Variants in PCDH9 observed in about 807,000 individuals in gnomAD.
PCDH9 encodes protocadherin 9, also known as protocadherin-9.
In PCDH9, 24 loss-of-function variants were observed where a neutral mutation model predicts 70.6. That is an observed-to-expected ratio of 0.34 (90% CI 0.25 to 0.48). PCDH9 has a LOEUF of 0.48. PCDH9 is among the 20% of genes least tolerant of loss of function. The pLI, the probability that PCDH9 is intolerant of heterozygous loss-of-function variation, is 0.99. For synonymous variants in PCDH9, 562 were observed against 558.5 expected, an observed-to-expected ratio of 1.01 and a Z score of -0.09; for missense variants, 1,281 against 1,503.6, an observed-to-expected ratio of 0.85 and a Z score of 2.45.
At chr13:66,440,988 A>C (rs1000936183) in intron 4 of PCDH9, among the ~76,000 whole-genome samples, 1 of 152,144 alleles carries the variant, frequency 6.6e-6, no homozygotes, top group Non-Finnish European at 1.5e-5. Flanking sequence ...CTTTAAAGTG[A>C]CTCAACTTCA....
intron 4 of PCDH9, among the ~76,000 whole-genome samples, chr13:66,628,178 G>A (rs1421786157): frequency 6.6e-6 from 1 of 152,130 alleles, no homozygotes; most frequent in African/African-American, 2.4e-5. Context: ...ATTTGGTCTA[G>A]ATGAACTTAC....
chr13:66,967,206 T>C (rs1426992626), intron 2 of PCDH9, among the ~76,000 whole-genome samples: 3 of 152,004 alleles, frequency 2.0e-5, no homozygotes, highest in Non-Finnish European at 2.9e-5. Context: ...ATCCTCATAA[T>C]GGTGAGGAGA....
At chr13:67,084,984 AAAAAAAAAAAAAAATATAT>A (rs1298344176) in intron 2 of PCDH9, among the ~76,000 whole-genome samples, 2 of 79,184 alleles carry the variant, frequency 2.5e-5, no homozygotes, top group African/African-American at 9.8e-5. Context: ...AAAAAAAAAA[AAAAAAAAAAAAAAATATAT>A]ATATATATAT....
chr13:67,214,933 C>A, intron 2 of PCDH9: 2 of 26,130 alleles, frequency 7.7e-5, no homozygotes, highest in African/African-American at 1.2e-4. Context: ...TATTGCGAGC[C>A]AGATATATAT....
intron 2 of PCDH9, among the ~76,000 whole-genome samples, chr13:67,165,700 A>T (rs2088094376): frequency 6.6e-6 from 1 of 152,202 alleles, no homozygotes; most frequent in South Asian, 2.1e-4. Context: ...TTTGGAACCT[A>T]AGTCAATTTT....
chr13:66,825,625 G>A (rs912598535), intron 3 of PCDH9, among the ~76,000 whole-genome samples: 10 of 151,958 alleles, frequency 6.6e-5, no homozygotes, highest in South Asian at 2.1e-4. Flanking sequence ...GTGAGCCACC[G>A]CGCCCGGCCA....
chr13:67,228,060 T>C lies in PCDH9; in HGVS notation c.381A>G (p.Lys127=). 6.2e-7 allele frequency: 1 copy of C among 1,613,880 alleles called. No homozygotes were observed. The highest frequency in any genetic ancestry group is 2.2e-5 in the East Asian group (1 of 44,872). ...TGGTATCCTTGACAATTATTTTTAT[T>C]TTGATCAGCCTGAAGAAATCATTGG... ...ILPNDFFRLI[K]IKIIVKDTND... is the part of the protein sequence containing the mutation. The change falls in exon 2 of 5, where the codon AAA becomes AAG. Residue 127 remains lysine, a synonymous_variant. Coordinates refer to ENST00000377865, the MANE Select transcript of PCDH9 (RefSeq NM_203487.3).
chr13:67,120,881 T>A (rs1594539230), intron 2 of PCDH9, among the ~76,000 whole-genome samples: 1 of 151,502 alleles, frequency 6.6e-6, no homozygotes, highest in African/African-American at 2.4e-5. Context: ...TTTTTAAACA[T>A]CGGAAAAATA....
At chr13:66,906,481 TC>T (rs1478485515) in intron 2 of PCDH9, among the ~76,000 whole-genome samples, 1 of 152,218 alleles carries the variant, frequency 6.6e-6, no homozygotes, top group African/African-American at 2.4e-5. Context: ...TCATTCTTTT[TC>T]TTCCAACTTT....
chr13:66,579,981 AT>A, intron 4 of PCDH9, among the ~76,000 whole-genome samples: 1 of 152,182 alleles, frequency 6.6e-6, no homozygotes, highest in East Asian at 1.9e-4. Context: ...CCATAAAAAG[AT>A]TTTTGAAGAT....
chr13:67,114,716 C>G (rs1327326033), intron 2 of PCDH9, among the ~76,000 whole-genome samples: 2 of 152,136 alleles, frequency 1.3e-5, no homozygotes, highest in African/African-American at 4.8e-5. Context: ...TCCATGCATT[C>G]TAACTTTGTA....
intron 2 of PCDH9, among the ~76,000 whole-genome samples, chr13:66,905,222 T>C (rs1319032619): frequency 6.6e-6 from 1 of 152,144 alleles, no homozygotes; most frequent in Non-Finnish European, 1.5e-5. Context: ...ACAGTTATTT[T>C]CATCTGTGAT....
At chr13:66,878,736 T>C (rs376883170) in intron 3 of PCDH9, among the ~76,000 whole-genome samples, 1 of 152,074 alleles carries the variant, frequency 6.6e-6, no homozygotes, top group Non-Finnish European at 1.5e-5. Context: ...GAGAACTCTA[T>C]TTATAAACAA....
chr13:66,661,418 C>G (rs2078006707), intron 3 of PCDH9, among the ~76,000 whole-genome samples: 1 of 152,204 alleles, frequency 6.6e-6, no homozygotes, highest in Non-Finnish European at 1.5e-5. Context: ...AATGAGAACT[C>G]TGACTGGCGT....
At chr13:66,936,339 G>A (rs2082915825) in intron 2 of PCDH9, among the ~76,000 whole-genome samples, 1 of 152,076 alleles carries the variant, frequency 6.6e-6, no homozygotes, top group South Asian at 2.1e-4. Context: ...CTGAGATTCA[G>A]ATTTTTTGTT....
Position 66,397,892 on chromosome 13 carries a change from T to A in PCDH9, c.3341-92864A>T, listed in dbSNP as rs138775289. Among the ~76,000 whole-genome samples, 139 of 152,108 alleles carry A rather than the reference T, an allele frequency of 9.1e-4. 2 individuals are homozygous for A. The East Asian group carries it at 9.6e-3, about 11-fold the overall frequency. On this transcript the variant is annotated intron_variant, in intron 4 of 4. Transcript: ENST00000377865. ...CTGTTATTGCCCATAACAACCTTTATAATTATTGTTGTCTTTGTGAAGTAA... is the reference window on the plus strand; with the variant it reads ...CTGTTATTGCCCATAACAACCTTTAAAATTATTGTTGTCTTTGTGAAGTAA...
intron 4 of PCDH9, among the ~76,000 whole-genome samples, chr13:66,399,727 C>A (rs74920427): frequency 6.7e-6 from 1 of 150,094 alleles, no homozygotes; most frequent in Non-Finnish European, 1.5e-5. Flanking sequence ...AAATAAAGAA[C>A]CAAAAAAAAA....
chr13:66,529,446 GAA>G (rs1208890402), intron 4 of PCDH9, among the ~76,000 whole-genome samples: 1 of 152,040 alleles, frequency 6.6e-6, no homozygotes, highest in African/African-American at 2.4e-5. Flanking sequence ...CTATTTGTAT[GAA>G]GTCTTTGAAC....
chr13:67,098,616 A>T (rs1224406529), intron 2 of PCDH9, among the ~76,000 whole-genome samples: 3 of 152,154 alleles, frequency 2.0e-5, no homozygotes, highest in African/African-American at 7.2e-5. Context: ...AATGGAGAAA[A>T]TTTTTATTCC....
Sources: allele counts gnomAD v4.1 joint callset (sites outside exome capture counted in the v4.1 genomes callset), GRCh38; gene constraint gnomAD v4.1.1; transcripts MANE v1.5; gene names NCBI Gene and HGNC (gene_info 2026-07-23, HGNC 2026-07-21).